The following SEMA3A variants were observed in gnomAD, a reference collection of about 807,000 sequenced individuals.
The protein encoded by SEMA3A is semaphorin 3A.
Under a neutral mutation model 97.9 loss-of-function variants are expected in SEMA3A, and 29 were observed. That is an observed-to-expected ratio of 0.30 (90% CI 0.22 to 0.40). SEMA3A has a LOEUF of 0.40. Among genes scored for constraint, SEMA3A ranks in the 10% least tolerant of loss-of-function variants. The pLI is 1.00. For missense variants in SEMA3A, 763 were observed against 951.3 expected (o/e 0.80, Z 2.60); for synonymous variants, 321 against 323.7 (o/e 0.99, Z 0.09).
At chr7:84,214,155 G>A (rs1265910065) in intron 3 of SEMA3A, among the ~76,000 whole-genome samples, 1 of 152,018 alleles carries the variant, frequency 6.6e-6, no homozygotes, top group Non-Finnish European at 1.5e-5. Flanking sequence ...TGTACAATAA[G>A]TTTAATCTCA....
At chr7:84,384,428 C>A (rs975658770) in intron 1 of SEMA3A, among the ~76,000 whole-genome samples, 1 of 152,044 alleles carries the variant, frequency 6.6e-6, no homozygotes, top group South Asian at 2.1e-4. Context: ...TGACAGAAAG[C>A]AGAATTGTCT....
chr7:84,349,016 T>A (rs1423900837), intron 2 of SEMA3A, among the ~76,000 whole-genome samples: 2 of 152,088 alleles, frequency 1.3e-5, no homozygotes. Context: ...ATTTCAGTAG[T>A]GGTTACTTGG....
chr7:84,258,159 G>A (rs767632995), intron 3 of SEMA3A, among the ~76,000 whole-genome samples: 22 of 152,212 alleles, frequency 1.4e-4, no homozygotes, highest in Middle Eastern at 6.8e-3. Context: ...TCATCATATG[G>A]ATTCACATCC....
intron 1 of SEMA3A, among the ~76,000 whole-genome samples, chr7:84,152,918 GA>G (rs1377607140): frequency 1.3e-5 from 2 of 151,966 alleles, no homozygotes; most frequent in Non-Finnish European, 2.9e-5. Context: ...GTAAAATTGA[GA>G]AAAAATTCTA....
At chr7:84,281,383 G>A (rs535266885) in intron 3 of SEMA3A, among the ~76,000 whole-genome samples, 2 of 152,258 alleles carry the variant, frequency 1.3e-5, no homozygotes, top group South Asian at 4.1e-4. Context: ...CTGCCCACAT[G>A]AGCCATGGTA....
chr7:83,977,788 C>T (rs1462245459), intron 14 of SEMA3A, among the ~76,000 whole-genome samples: 6 of 141,084 alleles, frequency 4.3e-5, no homozygotes, highest in Non-Finnish European at 9.1e-5. Context: ...TCAACCTATC[C>T]TTTTTTTTTT....
At chr7:84,462,137 A>G (rs1262905834) in intron 1 of SEMA3A, among the ~76,000 whole-genome samples, 1 of 152,102 alleles carries the variant, frequency 6.6e-6, no homozygotes, top group East Asian at 1.9e-4. Flanking sequence ...AACATTTATA[A>G]AGCATTTTCC....
At chr7:84,023,944 G>A (rs1168974732) in intron 6 of SEMA3A, among the ~76,000 whole-genome samples, 1 of 151,470 alleles carries the variant, frequency 6.6e-6, no homozygotes, top group African/African-American at 2.4e-5. Flanking sequence ...CCCGGGAGGC[G>A]GAGCTTGCAG....
At chr7:84,436,089 C>A (rs1166339066) in intron 1 of SEMA3A, among the ~76,000 whole-genome samples, 3 of 152,116 alleles carry the variant, frequency 2.0e-5, no homozygotes, top group Non-Finnish European at 1.5e-5. Flanking sequence ...GAAAGAACTT[C>A]CTATTCAATA....
intron 5 of SEMA3A, among the ~76,000 whole-genome samples, chr7:84,052,865 C>T (rs1365532320): frequency 6.6e-6 from 1 of 151,360 alleles, no homozygotes; most frequent in Non-Finnish European, 1.5e-5. Flanking sequence ...TATAAATTTC[C>T]CTCTACACAT....
chr7:84,359,848 C>A (rs1431051046), intron 2 of SEMA3A, among the ~76,000 whole-genome samples: 2 of 152,024 alleles, frequency 1.3e-5, no homozygotes, highest in South Asian at 2.1e-4. Flanking sequence ...GATTCAACTT[C>A]TTTCTGGTTT....
At chr7:84,466,784 T>A (rs1806010821) in intron 1 of SEMA3A, among the ~76,000 whole-genome samples, 1 of 152,118 alleles carries the variant, frequency 6.6e-6, no homozygotes, top group South Asian at 2.1e-4. Flanking sequence ...TGTGAGTGAG[T>A]CCCTAGCTGG....
At chr7:84,245,974 G>A (rs1355131360) in intron 3 of SEMA3A, among the ~76,000 whole-genome samples, 1 of 152,202 alleles carries the variant, frequency 6.6e-6, no homozygotes, top group East Asian at 1.9e-4. Flanking sequence ...TTCCCCAGGT[G>A]CTCTGTCCCA....
At chr7:84,464,114 T>G (rs2116394745) in intron 1 of SEMA3A, among the ~76,000 whole-genome samples, 1 of 152,342 alleles carries the variant, frequency 6.6e-6, no homozygotes, top group African/African-American at 2.4e-5. Context: ...CTAGAATTCC[T>G]TTTAAGCTCA....
At chr7:84,318,430 C>T (rs1239637860) in intron 2 of SEMA3A, among the ~76,000 whole-genome samples, 3 of 144,070 alleles carry the variant, frequency 2.1e-5, no homozygotes, top group African/African-American at 7.7e-5. Flanking sequence ...TCACGCCATT[C>T]TCCTGCCTCA....
chr7:84,402,056 A>G (rs1803918925), intron 1 of SEMA3A, among the ~76,000 whole-genome samples: 1 of 152,220 alleles, frequency 6.6e-6, no homozygotes, highest in South Asian at 2.1e-4. Flanking sequence ...GAAAGTGAAG[A>G]GACAACTTCT....
Position 84,318,112 on chromosome 7 carries a change from AAAAG to A in SEMA3A, c.-168-10824_-168-10821del, listed in dbSNP as rs1395754656. On this transcript the variant is annotated intron_variant, in intron 2 of 3. Coordinates refer to the SEMA3A transcript ENST00000424555. ...ATTGCTCTTTTTTAACATTTAAAAT[AAAAG>A]AAAAACATGCACTTAAAAATAAAAA... is the stretch of plus-strand genomic sequence containing the variant. Among the ~76,000 whole-genome samples, 14 of 152,200 alleles carry A rather than the reference AAAAG, an allele frequency of 9.2e-5. No individual in the cohort carries two copies. In the South Asian group the frequency reaches 2.5e-3, roughly 27 times the overall value.
chr7:84,148,027 G>A (rs1359819987), intron 1 of SEMA3A, among the ~76,000 whole-genome samples: 3 of 150,352 alleles, frequency 2.0e-5, no homozygotes, highest in Non-Finnish European at 1.5e-5. Context: ...CTCATGCCTC[G>A]GCCTCCTGAG....
intron 6 of SEMA3A, among the ~76,000 whole-genome samples, chr7:84,019,703 A>C: frequency 6.7e-6 from 1 of 150,012 alleles, no homozygotes; most frequent in Admixed American, 6.8e-5. Flanking sequence ...CTACTATTGT[A>C]TTGATAATCA....
Sources: allele counts gnomAD v4.1 joint callset (sites outside exome capture counted in the v4.1 genomes callset), GRCh38; gene constraint gnomAD v4.1.1; transcripts MANE v1.5; gene names NCBI Gene and HGNC (gene_info 2026-07-23, HGNC 2026-07-21).